CADM2: variants seen among roughly 807,000 people sequenced by gnomAD.
CADM2 encodes cell adhesion molecule 2, also known as immunoglobulin superfamily member 4D.
A neutral mutation model predicts 49.8 loss-of-function variants in CADM2; 12 were observed. That is an observed-to-expected ratio of 0.24 (90% CI 0.15 to 0.39). The LOEUF is 0.39. Among genes scored for constraint, CADM2 ranks in the 10% least tolerant of loss-of-function variants. The probability of loss-of-function intolerance (pLI) is 1.00; values close to 1 mark genes in which losing one functional copy is unlikely to be tolerated. For synonymous variants in CADM2, 214 were observed against 175.4 expected, an observed-to-expected ratio of 1.22 and a Z score of -1.74; for missense variants, 378 against 492.3, an observed-to-expected ratio of 0.77 and a Z score of 2.20.
chr3:85,199,333 TTGTGTGTGTGTGTGTGTGTGTGTG>T (rs35067183), intron 1 of CADM2, among the ~76,000 whole-genome samples: 5 of 134,484 alleles, frequency 3.7e-5, no homozygotes, highest in African/African-American at 1.2e-4. Flanking sequence ...GTAACTCTCT[TTGTGTGTGTGTGTGTGTGTGTGTG>T]TGTGTGTGTG....
rs549544657 is a variant in CADM2, at chr3:85,005,391, T to C, written c.61+45723T>C. ...CATGGCTAATGGAATTAAAACTGCATGGTACATCAGCTTCACTACATTCAG... is the reference window on the plus strand; with the variant it reads ...CATGGCTAATGGAATTAAAACTGCACGGTACATCAGCTTCACTACATTCAG... On this transcript the variant is annotated intron_variant, in intron 1 of 9. Coordinates refer to ENST00000383699, the MANE Select transcript of CADM2 (RefSeq NM_001167675.2). Among the ~76,000 whole-genome samples the C allele has an allele frequency of 2.2e-3, 330 of 152,286 alleles. 1 individual carries two copies. The highest frequency in any genetic ancestry group is 3.4e-3 in the Non-Finnish European group (234 of 68,018).
At chr3:85,078,358 C>T (rs2037030164) in intron 1 of CADM2, among the ~76,000 whole-genome samples, 1 of 151,852 alleles carries the variant, frequency 6.6e-6, no homozygotes, top group Non-Finnish European at 1.5e-5. Context: ...GTTCCTGCTA[C>T]AGATAGAAGG....
At chr3:85,525,134 A>G (rs13327523) in intron 1 of CADM2, among the ~76,000 whole-genome samples, 167 of 152,316 alleles carry the variant, frequency 1.1e-3, no homozygotes, top group African/African-American at 3.9e-3. Flanking sequence ...CTGCACGTGT[A>G]TCCCAGAGCT....
chr3:85,553,741 C>T (rs953440448), intron 1 of CADM2, among the ~76,000 whole-genome samples: 9 of 152,028 alleles, frequency 5.9e-5, no homozygotes, highest in South Asian at 2.1e-4. Flanking sequence ...TCAATTCAGG[C>T]GTAAACGTAG....
chr3:85,087,846 G>A lies in CADM2; in HGVS notation c.61+128178G>A, dbSNP rs969111054. ...AAAGGAAGTCCAACCACAAATAACA[G>A]CTAAAAAACTGCCCCAGTTTTTTCC... On this transcript the variant is annotated intron_variant, in intron 1 of 9. Coordinates refer to ENST00000383699, the MANE Select transcript of CADM2 (RefSeq NM_001167675.2). Among the ~76,000 whole-genome samples the A allele has an allele frequency of 3.3e-5, 5 of 151,980 alleles. No homozygotes were observed. The East Asian group carries it at 9.6e-4, about 29-fold the overall frequency.
intron 1 of CADM2, among the ~76,000 whole-genome samples, chr3:85,224,150 C>T (rs1483279070): frequency 6.6e-6 from 1 of 152,128 alleles, no homozygotes; most frequent in Non-Finnish European, 1.5e-5. Flanking sequence ...AATGGTATTT[C>T]TGGTTTTAGA....
chr3:85,291,754 C>T (rs2043803855), intron 1 of CADM2, among the ~76,000 whole-genome samples: 1 of 147,166 alleles, frequency 6.8e-6, no homozygotes, highest in Non-Finnish European at 1.5e-5. Flanking sequence ...ATTTTGTCAC[C>T]ACCCGGCCTG....
chr3:85,524,750 T>C (rs1490667436), intron 1 of CADM2, among the ~76,000 whole-genome samples: 1 of 152,208 alleles, frequency 6.6e-6, no homozygotes, highest in Non-Finnish European at 1.5e-5. Context: ...TGATTATGGA[T>C]TTGTCTATTC....
At chr3:86,053,497 C>A (rs931716559) in intron 8 of CADM2, among the ~76,000 whole-genome samples, 30 of 152,124 alleles carry the variant, frequency 2.0e-4, no homozygotes, top group African/African-American at 6.8e-4. Flanking sequence ...CAGGAGAGAG[C>A]ACAGCACAGA....
intron 6 of CADM2, among the ~76,000 whole-genome samples, chr3:85,930,689 A>T (rs1021051344): frequency 6.6e-5 from 10 of 152,030 alleles, no homozygotes; most frequent in African/African-American, 2.4e-4. Flanking sequence ...TATCTCACAA[A>T]TAAATGAGAA....
rs535732025 is a variant in CADM2, at chr3:85,355,233, G to C, written c.62-371289G>C. ...TCAGTGGAGGTCGAGATGATGGTTA[G>C]CTAAAGGCAATAAAGGAATGCATCA... On this transcript the variant is annotated intron_variant, in intron 1 of 9. Coordinates refer to ENST00000383699, the MANE Select transcript of CADM2 (RefSeq NM_001167675.2). 2.0e-4 allele frequency among the ~76,000 whole-genome samples: 31 copies of C among 152,118 alleles called. No individual in the cohort carries two copies. In the South Asian group the frequency reaches 6.4e-3, roughly 32 times the overall value.
At chr3:85,800,533 G>A (rs2071946472) in intron 2 of CADM2, 1 of 152,662 alleles carries the variant, frequency 6.6e-6, no homozygotes, top group South Asian at 2.1e-4. Context: ...GGGCCCTTGT[G>A]GTATAGGCAC....
intron 2 of CADM2, among the ~76,000 whole-genome samples, chr3:85,797,256 C>T (rs934204158): frequency 4.6e-5 from 7 of 151,916 alleles, no homozygotes; most frequent in Admixed American, 3.9e-4. Flanking sequence ...AGTTTTAGAA[C>T]TTTATAATTT....
chr3:84,985,018 A>G (rs2107153036), intron 1 of CADM2, among the ~76,000 whole-genome samples: 1 of 152,328 alleles, frequency 6.6e-6, no homozygotes, highest in African/African-American at 2.4e-5. Context: ...GCAGTAGAAG[A>G]AAACAAGATG....
chr3:85,742,211 T>G (rs2068419292), intron 2 of CADM2, among the ~76,000 whole-genome samples: 1 of 152,154 alleles, frequency 6.6e-6, no homozygotes, highest in Non-Finnish European at 1.5e-5. Flanking sequence ...ACTGTGGCAG[T>G]CATCTAGTGG....
intron 1 of CADM2, among the ~76,000 whole-genome samples, chr3:85,166,242 C>A (rs2040467596): frequency 6.6e-6 from 1 of 151,784 alleles, no homozygotes; most frequent in African/African-American, 2.4e-5. Context: ...CCGTCATCCG[C>A]ACTATCTCAT....
chr3:85,001,114 C>T (rs981627428), intron 1 of CADM2, among the ~76,000 whole-genome samples: 1 of 151,954 alleles, frequency 6.6e-6, no homozygotes, highest in Non-Finnish European at 1.5e-5. Context: ...TGAAGTGAAT[C>T]AAAAAATATC....
At chr3:85,906,625 A>G (rs1716844020) in intron 5 of CADM2, among the ~76,000 whole-genome samples, 1 of 152,128 alleles carries the variant, frequency 6.6e-6, no homozygotes, top group Non-Finnish European at 1.5e-5. Context: ...AATCTACCCT[A>G]TTTCAGACAG....
Position 85,098,276 on chromosome 3 carries a change from T to G in CADM2, c.61+138608T>G, listed in dbSNP as rs767114702. 2.0e-5 allele frequency among the ~76,000 whole-genome samples: 3 copies of G among 150,568 alleles called. No homozygotes were observed. In the South Asian group the frequency reaches 6.3e-4, roughly 31 times the overall value. Reference sequence around the variant, plus strand: ...TCGTAGAAAAAAAAAAAAAAAGAAGTATTTTTTTAATCTAGAATTTTACCC... The same window carrying G: ...TCGTAGAAAAAAAAAAAAAAAGAAGGATTTTTTTAATCTAGAATTTTACCC... On this transcript the variant is annotated intron_variant, in intron 1 of 9. Coordinates refer to ENST00000383699, the MANE Select transcript of CADM2 (RefSeq NM_001167675.2).
Sources: gnomAD v4.1 joint callset for allele counts (sites outside exome capture counted in the v4.1 genomes callset) on GRCh38, gnomAD v4.1.1 for gene constraint, MANE v1.5 for transcripts, NCBI Gene and HGNC (gene_info 2026-07-23, HGNC 2026-07-21) for gene names.